The following PACSIN2 variants were observed in gnomAD, a reference collection of about 807,000 sequenced individuals.
The protein encoded by PACSIN2 is protein kinase C and casein kinase substrate in neurons 2, also known as protein kinase C and casein kinase substrate in neurons protein 2.
Under a neutral mutation model 63.8 loss-of-function variants are expected in PACSIN2, and 25 were observed. The observed-to-expected ratio is 0.39, with a 90% CI of 0.29 to 0.55. The LOEUF (loss-of-function observed/expected upper bound fraction) is 0.55. Among genes scored for constraint, PACSIN2 ranks in the 20% least tolerant of loss-of-function variants. The probability of loss-of-function intolerance (pLI) is 0.62; values close to 1 mark genes in which losing one functional copy is unlikely to be tolerated. For missense variants in PACSIN2, 518 were observed against 646.9 expected (o/e 0.80, Z 2.16); for synonymous variants, 255 against 256.2 (o/e 1.00, Z 0.05).
At chr22:42,965,953 A>T (rs969579169) in intron 1 of PACSIN2, among the ~76,000 whole-genome samples, 23 of 151,992 alleles carry the variant, frequency 1.5e-4, no homozygotes, top group Admixed American at 2.6e-4. Flanking sequence ...AATCATAAAT[A>T]AATTATGTGA....
At chr22:42,993,700 T>A (rs1923203878) in intron 1 of PACSIN2, 1 of 152,234 alleles carries the variant, frequency 6.6e-6, no homozygotes. Flanking sequence ...CTTCTGAGAC[T>A]GGCAGGAATG....
At chr22:42,889,883 AAT>A (rs2146667340) in intron 4 of PACSIN2, among the ~76,000 whole-genome samples, 1 of 152,324 alleles carries the variant, frequency 6.6e-6, no homozygotes, top group East Asian at 1.9e-4. Context: ...GAGAAAGAAA[AAT>A]GTAAACTAGT....
chr22:42,941,846 G>A (rs535642366), intron 1 of PACSIN2, among the ~76,000 whole-genome samples: 2 of 152,122 alleles, frequency 1.3e-5, no homozygotes, highest in East Asian at 1.9e-4. Flanking sequence ...GCGCATTCTC[G>A]GCTCACTGCA....
intron 2 of PACSIN2, among the ~76,000 whole-genome samples, chr22:42,908,135 G>A (rs959255920): frequency 5.3e-5 from 8 of 152,210 alleles, no homozygotes; most frequent in Admixed American, 5.2e-4. Context: ...AGTGCACAGA[G>A]GTCAGACTCA....
At chr22:43,002,250 T>C (rs1282945223) in intron 1 of PACSIN2, 2 of 152,090 alleles carry the variant, frequency 1.3e-5, no homozygotes, top group Non-Finnish European at 2.9e-5. Flanking sequence ...GCAGAGTCTT[T>C]CCAATATGCA....
At chr22:42,944,514 T>C (rs1038833746) in intron 1 of PACSIN2, among the ~76,000 whole-genome samples, 1 of 152,176 alleles carries the variant, frequency 6.6e-6, no homozygotes, top group African/African-American at 2.4e-5. Context: ...ACAAGGCAGA[T>C]AACAGTTACC....
At chr22:42,879,856 C>A (rs1928939003) in intron 7 of PACSIN2, among the ~76,000 whole-genome samples, 1 of 152,188 alleles carries the variant, frequency 6.6e-6, no homozygotes, top group Non-Finnish European at 1.5e-5. Flanking sequence ...GCAGGGCCCT[C>A]CCCAGTGTTT....
chr22:42,924,610 C>T (rs1019757236), intron 1 of PACSIN2, among the ~76,000 whole-genome samples: 7 of 152,170 alleles, frequency 4.6e-5, no homozygotes, highest in African/African-American at 1.7e-4. Flanking sequence ...CCCGCCACCA[C>T]TGCTGTCCAC....
At chr22:42,938,045 T>C (rs1211493283) in intron 1 of PACSIN2, among the ~76,000 whole-genome samples, 1 of 152,208 alleles carries the variant, frequency 6.6e-6, no homozygotes, top group East Asian at 1.9e-4. Context: ...ATCATCATGT[T>C]AAATACTAGA....
chr22:42,894,812 C>T (rs151294929), intron 2 of PACSIN2, among the ~76,000 whole-genome samples: 162 of 152,274 alleles, frequency 1.1e-3, no homozygotes, highest in African/African-American at 3.6e-3. Context: ...GACAGAAAAA[C>T]GATCTCTTTT....
chr22:42,985,276 G>A (rs928509264), intron 1 of PACSIN2, among the ~76,000 whole-genome samples: 4 of 152,218 alleles, frequency 2.6e-5, no homozygotes, highest in Non-Finnish European at 4.4e-5. Flanking sequence ...GCAGTGAGCC[G>A]AGATCTCATC....
chr22:42,947,270 G>A (rs1055295755), intron 1 of PACSIN2, among the ~76,000 whole-genome samples: 2 of 152,136 alleles, frequency 1.3e-5, no homozygotes, highest in Non-Finnish European at 2.9e-5. Flanking sequence ...GGCCACCTTC[G>A]AGGTCTGCTG....
chr22:42,944,473 T>C (rs1933318622), intron 1 of PACSIN2, among the ~76,000 whole-genome samples: 1 of 152,206 alleles, frequency 6.6e-6, no homozygotes, highest in South Asian at 2.1e-4. Context: ...ACATTGCTAA[T>C]AGGCTTCATG....
intron 2 of PACSIN2, 127 bp from the exon 3 acceptor site, chr22:42,893,740 C>A: frequency 1.2e-6 from 1 of 861,754 alleles, no homozygotes; most frequent in Non-Finnish European, 1.8e-6. Flanking sequence ...CACCCCTCTC[C>A]AAGAGTTTGA....
intron 1 of PACSIN2, among the ~76,000 whole-genome samples, chr22:42,912,798 G>A (rs1601509024): frequency 6.6e-6 from 1 of 152,334 alleles, no homozygotes; most frequent in Non-Finnish European, 1.5e-5. Flanking sequence ...CCGCAGCCGA[G>A]ATGAAACTGT....
Position 42,968,381 on chromosome 22 carries a change from C to G in PACSIN2, c.-78+46640G>C, listed in dbSNP as rs1921005251. Among the ~76,000 whole-genome samples, 3 of 152,286 alleles carry G rather than the reference C, an allele frequency of 2.0e-5. No individual in the cohort carries two copies. In the South Asian group the frequency reaches 6.2e-4, roughly 32 times the overall value. On this transcript the variant is annotated intron_variant, in intron 1 of 10. Coordinates refer to ENST00000263246, the MANE Select transcript of PACSIN2 (RefSeq NM_001184970.3). ...AAATGAAATCGTGGTGCCAAGCATT[C>G]CAGGACGCTACCATTATCTTCTCCC...
chr22:42,990,880 A>G (rs1922994951), intron 1 of PACSIN2, among the ~76,000 whole-genome samples: 3 of 152,294 alleles, frequency 2.0e-5, no homozygotes, highest in East Asian at 3.9e-4. Flanking sequence ...CTGTCCTTCA[A>G]TGTTCAATAA....
At chr22:42,958,007 C>G (rs888014955) in intron 1 of PACSIN2, among the ~76,000 whole-genome samples, 1 of 151,894 alleles carries the variant, frequency 6.6e-6, no homozygotes, top group Non-Finnish European at 1.5e-5. Flanking sequence ...CACTATACAT[C>G]TATGCAAATG....
At chr22:42,913,596 C>A (rs1428748783) in intron 1 of PACSIN2, among the ~76,000 whole-genome samples, 2 of 151,502 alleles carry the variant, frequency 1.3e-5, no homozygotes, top group Non-Finnish European at 2.9e-5. Flanking sequence ...GTAAGTGCTA[C>A]GAACTTACTA....
Sources: gnomAD v4.1 joint callset for allele counts (sites outside exome capture counted in the v4.1 genomes callset) on GRCh38, gnomAD v4.1.1 for gene constraint, MANE v1.5 for transcripts, NCBI Gene and HGNC (gene_info 2026-07-23, HGNC 2026-07-21) for gene names.